SCOC: variants seen among roughly 807,000 people sequenced by gnomAD.
SCOC encodes short coiled-coil protein.
Under a neutral mutation model 9.9 loss-of-function variants are expected in SCOC, and 7 were observed. The observed-to-expected ratio is 0.71, with a 90% CI of 0.40 to 1.33. SCOC has a LOEUF of 1.33. Ranked by LOEUF, SCOC falls within the 40% of genes most tolerant of loss-of-function variation. SCOC has a pLI of 0.01. For missense variants in SCOC, 66 were observed against 89.7 expected, an observed-to-expected ratio of 0.74 and a Z score of 1.07; for synonymous variants, 19 against 28.2, an observed-to-expected ratio of 0.67 and a Z score of 1.03.
rs184024894 is a variant in SCOC, at chr4:140,322,074, C to A, written c.-18-21547C>A. ...AGCACCTTGATCTTGGACTTGCCAA[C>A]CTCTAGAACTGTGAGAAATAAATGT... On this transcript the variant is annotated intron_variant, in intron 1 of 4. Transcript: ENST00000394205. 1.4e-4 allele frequency among the ~76,000 whole-genome samples: 22 copies of A among 152,278 alleles called. No individual in the cohort carries two copies. The East Asian group carries it at 4.2e-3, about 29-fold the overall frequency.
intron 1 of SCOC, among the ~76,000 whole-genome samples, chr4:140,287,497 G>C (rs1490775791): frequency 6.7e-6 from 1 of 149,304 alleles, no homozygotes; most frequent in Non-Finnish European, 1.5e-5. Context: ...CATAGACCAT[G>C]CACATACATC....
intron 1 of SCOC, chr4:140,285,403 T>C (rs1008636372): frequency 7.4e-6 from 3 of 407,982 alleles, no homozygotes; most frequent in Admixed American, 2.6e-5. Flanking sequence ...AGTGTACTTA[T>C]TTGATGTGGG....
At chr4:140,350,930 C>A (rs1726946878) in intron 2 of SCOC, among the ~76,000 whole-genome samples, 1 of 152,104 alleles carries the variant, frequency 6.6e-6, no homozygotes, top group Admixed American at 6.5e-5. Context: ...TGGCTCACAC[C>A]TGTAATCCCA....
chr4:140,281,926 TGCATCTCAG>T (rs1731108349), intron 1 of SCOC, among the ~76,000 whole-genome samples: 2 of 152,180 alleles, frequency 1.3e-5, no homozygotes, highest in Non-Finnish European at 2.9e-5. Context: ...CTCTCTACAA[TGCATCTCAG>T]GCAAAAAGTG....
At chr4:140,288,033 A>G (rs1224117766) in intron 1 of SCOC, among the ~76,000 whole-genome samples, 1 of 152,052 alleles carries the variant, frequency 6.6e-6, no homozygotes, top group Non-Finnish European at 1.5e-5. Context: ...CTTTACACAC[A>G]TACCACACAC....
At chr4:140,277,867 C>T (rs928655639) in intron 1 of SCOC, among the ~76,000 whole-genome samples, 1 of 152,138 alleles carries the variant, frequency 6.6e-6, no homozygotes, top group African/African-American at 2.4e-5. Context: ...TTTGTTGGCT[C>T]TTTCACTACC....
chr4:140,362,299 C>CTTTTCTTTTTT (rs1553941117), intron 2 of SCOC, among the ~76,000 whole-genome samples: 1 of 38,344 alleles, frequency 2.6e-5, no homozygotes, highest in Non-Finnish European at 6.8e-5. Flanking sequence ...TCTTCTTCTT[C>CTTTTCTTTTTT]TTTTTTTTTT....
intron 1 of SCOC, among the ~76,000 whole-genome samples, chr4:140,288,162 A>G (rs1297008853): frequency 6.6e-6 from 1 of 152,034 alleles, no homozygotes; most frequent in African/African-American, 2.4e-5. Flanking sequence ...TAGATACCAC[A>G]TAGATATACT....
intron 1 of SCOC, among the ~76,000 whole-genome samples, chr4:140,275,816 G>GTTTTTTTTTTTTTTTTTTTT (rs199643449): frequency 7.5e-6 from 1 of 133,464 alleles, no homozygotes; most frequent in Non-Finnish European, 1.5e-5. Flanking sequence ...ACTCGCTCAG[G>GTTTTTTTTTTTTTTTTTTTT]TTTGTTTTTT....
rs1245401013 is a variant in SCOC at position 140,382,199 on chromosome 4, C to G, written c.*1095C>G. ...TGCTCAGTATTTTATCTCACTTGTT[C>G]TAGAATTTTCTGTAAACCCTGCTAC... On this transcript the variant is annotated 3_prime_UTR_variant, in exon 4 of 4. Transcript: ENST00000608372. 1 of 152,112 alleles carries G rather than the reference C, an allele frequency of 6.6e-6. No individual in the cohort carries two copies. Among genetic ancestry groups the G allele is most frequent in the Admixed American group, 6.5e-5 (1 of 15,270 alleles). 9.4% of individuals were successfully genotyped at this position (152,112 alleles called of 1,614,324 possible). A position where few individuals can be genotyped will look rare whatever the true frequency, so the allele number is the denominator to read the frequency against.
chr4:140,307,735 G>A (rs1732033832), intron 1 of SCOC, among the ~76,000 whole-genome samples: 1 of 152,220 alleles, frequency 6.6e-6, no homozygotes, highest in East Asian at 1.9e-4. Flanking sequence ...CATGGATACT[G>A]GGTCTCTCAC....
chr4:140,316,198 T>C lies in SCOC; in HGVS notation c.-18-27423T>C, dbSNP rs750582940. Among the ~76,000 whole-genome samples the C allele has an allele frequency of 3.9e-5, 6 of 152,158 alleles. No homozygotes were observed. In the East Asian group the frequency reaches 9.6e-4, roughly 24 times the overall value. ...GGGAGGATAGTGGTAATTCTCTCAA[T>C]TGTTCACTCTGGGGACATTTTCATT... On this transcript the variant is annotated intron_variant, in intron 1 of 4. Transcript: ENST00000394205.
chr4:140,305,573 G>A (rs1276785446), intron 1 of SCOC, among the ~76,000 whole-genome samples: 1 of 152,160 alleles, frequency 6.6e-6, no homozygotes, highest in Non-Finnish European at 1.5e-5. Context: ...AGCTCAGATT[G>A]CACCTATAAC....
At chr4:140,320,774 A>G (rs1198733738) in intron 1 of SCOC, among the ~76,000 whole-genome samples, 1 of 152,168 alleles carries the variant, frequency 6.6e-6, no homozygotes, top group Non-Finnish European at 1.5e-5. Context: ...TCAAAACTGT[A>G]CCACTGGAAA....
intron 2 of SCOC, among the ~76,000 whole-genome samples, chr4:140,356,252 T>C (rs921022239): frequency 2.0e-5 from 3 of 152,240 alleles, no homozygotes; most frequent in African/African-American, 7.2e-5. Context: ...AAGAAGATTC[T>C]GTTTTGTTCC....
At chr4:140,270,726 A>C (rs1295640724) in intron 1 of SCOC, among the ~76,000 whole-genome samples, 1 of 152,196 alleles carries the variant, frequency 6.6e-6, no homozygotes, top group African/African-American at 2.4e-5. Flanking sequence ...GTTGGTTTGC[A>C]TAGAAAGGCA....
At chr4:140,267,115 C>T (rs1200975836) in intron 1 of SCOC, among the ~76,000 whole-genome samples, 1 of 152,174 alleles carries the variant, frequency 6.6e-6, no homozygotes, top group East Asian at 1.9e-4. Context: ...ACCACACCCA[C>T]TAGAGCTGGA....
chr4:140,287,198 C>G (rs911102301), intron 1 of SCOC, among the ~76,000 whole-genome samples: 1 of 151,638 alleles, frequency 6.6e-6, no homozygotes. Flanking sequence ...TACACACACA[C>G]ATCATGTGCA....
At chr4:140,296,993 C>G (rs546113939) in intron 1 of SCOC, among the ~76,000 whole-genome samples, 12 of 152,298 alleles carry the variant, frequency 7.9e-5, no homozygotes, top group Admixed American at 6.5e-4. Context: ...TTTATATGCT[C>G]TGTCCCTGCT....
Sources: allele counts gnomAD v4.1 joint callset (sites outside exome capture counted in the v4.1 genomes callset), GRCh38; gene constraint gnomAD v4.1.1; transcripts MANE v1.5; gene names NCBI Gene and HGNC (gene_info 2026-07-23, HGNC 2026-07-21).